DOP1B: variants seen among roughly 807,000 people sequenced by gnomAD.
DOP1B encodes the protein protein DOP1B.
DOP1B carries 174 observed loss-of-function variants against 233.5 expected under a neutral mutation model. That is an observed-to-expected ratio of 0.75 (90% CI 0.66 to 0.85). The LOEUF (loss-of-function observed/expected upper bound fraction) is 0.85, where lower values mean the gene tolerates loss of function less well. Among genes scored for constraint, DOP1B ranks in the 40% least tolerant of loss-of-function variants. DOP1B has a pLI of 0.00. For missense variants in DOP1B, 2,652 were observed against 2,846.6 expected (o/e 0.93, Z 1.56); for synonymous variants, 1,190 against 1,185.6 (o/e 1.00, Z -0.08).
chr21:36,284,128 T>A (rs1279112369), intron 32 of DOP1B, among the ~76,000 whole-genome samples: 2 of 150,680 alleles, frequency 1.3e-5, no homozygotes, highest in South Asian at 4.2e-4. Flanking sequence ...TTTTGTACTT[T>A]TAGTAGAGAT....
At chr21:36,261,419 T>G in intron 24 of DOP1B, 1 of 990,032 alleles carries the variant, frequency 1.0e-6, no homozygotes, top group Non-Finnish European at 1.2e-6. Flanking sequence ...GTTCTCAGTG[T>G]GCCTTCCCAT....
At chr21:36,202,154 TCCAGCCTG>T (rs562723340) in intron 4 of DOP1B, among the ~76,000 whole-genome samples, 5 of 152,110 alleles carry the variant, frequency 3.3e-5, no homozygotes, top group Non-Finnish European at 7.4e-5. Context: ...ACCACTGCAC[TCCAGCCTG>T]GGTGACAGAG....
At chr21:36,290,837 GT>G (rs2067548127) in intron 35 of DOP1B, among the ~76,000 whole-genome samples, 1 of 151,512 alleles carries the variant, frequency 6.6e-6, no homozygotes, top group Non-Finnish European at 1.5e-5. Flanking sequence ...AGATGTGGTG[GT>G]GGGCGCCTGT....
At chr21:36,255,724 G>A (rs2067088452) in intron 23 of DOP1B, among the ~76,000 whole-genome samples, 1 of 152,176 alleles carries the variant, frequency 6.6e-6, no homozygotes, top group Admixed American at 6.5e-5. Context: ...GAGCCACCAT[G>A]CCTGGCTGCA....
intron 2 of DOP1B, among the ~76,000 whole-genome samples, chr21:36,170,987 G>A (rs2065967458): frequency 6.6e-6 from 1 of 152,176 alleles, no homozygotes. Context: ...CCCTACCTCT[G>A]CTTTGCCTGA....
intron 5 of DOP1B, among the ~76,000 whole-genome samples, chr21:36,209,864 C>T (rs188802687): frequency 2.9e-4 from 44 of 152,228 alleles, no homozygotes; most frequent in African/African-American, 1.0e-3. Context: ...AGATTGAATT[C>T]GCAGGTGAGA....
In DOP1B at chr21:36,223,325, A is replaced by G; in HGVS notation, c.1345A>G (p.Thr449Ala). ...LSTDFLWDYM[T>A]RCFEECFRPV... is the part of the protein sequence containing the mutation. ...CACAGACTTTCTCTGGGATTATATGACAAGGTGTTTTGAGGAATGCTTTAG... is the reference window on the plus strand; with the variant it reads ...CACAGACTTTCTCTGGGATTATATGGCAAGGTGTTTTGAGGAATGCTTTAG... Residue 449 changes from threonine to alanine, a missense_variant, in exon 11 of 37, where the codon ACA becomes GCA. Physicochemically the swap from Thr to Ala is moderately conservative, Grantham distance 58. Around this residue, in one of 3 missense-constraint regions of DOP1B, gnomAD observed 2,617 missense variants for 2,794.3 expected, o/e 0.94. Transcript: ENST00000691173. 3 of 1,610,670 alleles carry G rather than the reference A, an allele frequency of 1.9e-6. No individual in the cohort carries two copies. The highest frequency in any genetic ancestry group is 2.5e-6 in the Non-Finnish European group (3 of 1,179,380).
At chr21:36,278,591 G>A (rs183205314) in intron 30 of DOP1B, among the ~76,000 whole-genome samples, 1 of 152,290 alleles carries the variant, frequency 6.6e-6, no homozygotes, top group African/African-American at 2.4e-5. Flanking sequence ...TTCCTGGCTG[G>A]GCACGGTGGC....
At chr21:36,157,628 A>G (rs2065831791) in intron 1 of DOP1B, among the ~76,000 whole-genome samples, 1 of 152,190 alleles carries the variant, frequency 6.6e-6, no homozygotes, top group Admixed American at 6.5e-5. Context: ...CCCCGGCCCC[A>G]CAAGTCTGCT....
At chr21:36,176,533 T>C (rs1322982940) in intron 2 of DOP1B, among the ~76,000 whole-genome samples, 1 of 152,160 alleles carries the variant, frequency 6.6e-6, no homozygotes, top group Non-Finnish European at 1.5e-5. Context: ...GCAACCTTTG[T>C]TCTGATGACC....
intron 22 of DOP1B, among the ~76,000 whole-genome samples, chr21:36,252,247 T>C (rs2067039989): frequency 6.6e-6 from 1 of 152,062 alleles, no homozygotes. Flanking sequence ...CCTAGCACTG[T>C]GGGCCTTTTT....
chr21:36,292,024 A>G (rs1176573639), intron 35 of DOP1B, 80 bp from the exon 36 acceptor site: 32 of 1,477,114 alleles, frequency 2.2e-5, no homozygotes, highest in Middle Eastern at 2.2e-4. Context: ...CAGTATGTGA[A>G]TTATATCTTA....
At chr21:36,194,045 G>A (rs200292343) in intron 2 of DOP1B, among the ~76,000 whole-genome samples, 37 of 152,252 alleles carry the variant, frequency 2.4e-4, no homozygotes, top group Non-Finnish European at 3.4e-4. Flanking sequence ...TAATTTGCCC[G>A]AACAGCAAAT....
In DOP1B at chr21:36,263,669, G is replaced by A; in HGVS notation, c.5420+19G>A. 1 of 1,613,378 alleles carries A rather than the reference G, an allele frequency of 6.2e-7. No individual in the cohort carries two copies. Among genetic ancestry groups the A allele is most frequent in the Non-Finnish European group, 8.5e-7 (1 of 1,179,364 alleles). Reference sequence around the variant, plus strand: ...TTCTCAGGTATCATGTCACCACATTGTCATTGTGTAATATTTTCTCTTGGC... The same window carrying A: ...TTCTCAGGTATCATGTCACCACATTATCATTGTGTAATATTTTCTCTTGGC... On this transcript the variant is annotated intron_variant, in intron 25 of 36. Transcript: ENST00000691173.
At position 36,246,617 on chromosome 21, in the gene DOP1B, G is replaced by A; in HGVS notation, c.4637G>A (p.Cys1546Tyr). ...GTGACACCCTTTGTTGTCCAGATTT[G>A]CAAAAACTTGGATGACTTGGTCAAG... is the stretch of plus-strand genomic sequence containing the variant. The part of the protein sequence containing the change: ...WTVTPFVVQI[C>Y]KNLDDLVKQY... The change falls in exon 19 of 37, where the codon TGC becomes TAC. Residue 1546 changes from cysteine (C) to tyrosine (Y), a missense_variant. Coordinates refer to ENST00000691173, the MANE Select transcript of DOP1B (RefSeq NM_001320714.2). The surrounding 1 kb of genome is among the most constrained non-coding windows in gnomAD (Gnocchi z 5.1). 6.2e-7 allele frequency: 1 copy of A among 1,614,082 alleles called. No homozygotes were observed. The highest frequency in any genetic ancestry group is 8.5e-7 in the Non-Finnish European group (1 of 1,180,020).
At chr21:36,264,256 A>G (rs2067208547) in intron 26 of DOP1B, among the ~76,000 whole-genome samples, 1 of 152,118 alleles carries the variant, frequency 6.6e-6, no homozygotes, top group Non-Finnish European at 1.5e-5. Context: ...CCTCATCTCT[A>G]CAAAAGTACA....
At chr21:36,228,793 TAAAATAAAATAAAATAAA>T (rs2066723883) in intron 13 of DOP1B, among the ~76,000 whole-genome samples, 1 of 121,416 alleles carries the variant, frequency 8.2e-6, no homozygotes, top group Non-Finnish European at 1.6e-5. Context: ...TAAAATAAAA[TAAAATAAAATAAAATAAA>T]ATAAAATAAA....
chr21:36,245,340 G>A lies in DOP1B; in HGVS notation c.3360G>A (p.Thr1120=), dbSNP rs142348387. ...TESADTSSCH[T]DSENTSSFSS... Reference sequence around the variant, plus strand: ...CTGCAGATACAAGCTCCTGCCACACGGACAGCGAGAACACGTCCTCCTTCT... The same window carrying A: ...CTGCAGATACAAGCTCCTGCCACACAGACAGCGAGAACACGTCCTCCTTCT... Residue 1120 remains threonine (T), a synonymous_variant, in exon 19 of 37, where the codon ACG becomes ACA. Transcript: ENST00000691173. The surrounding 1 kb of genome is among the most constrained non-coding windows in gnomAD (Gnocchi z 5.5). The A allele has an allele frequency of 1.1e-4, 184 of 1,614,060 alleles. No homozygotes were observed. Among genetic ancestry groups the A allele is most frequent in the Admixed American group, 1.5e-4 (9 of 60,020 alleles).
intron 23 of DOP1B, among the ~76,000 whole-genome samples, chr21:36,260,289 AAG>A (rs2067155730): frequency 6.9e-6 from 1 of 145,328 alleles, no homozygotes; most frequent in Admixed American, 6.9e-5. Flanking sequence ...GAAAGAAAGA[AAG>A]AAAGAAGAAT....
Sources: gnomAD v4.1 joint callset for allele counts (sites outside exome capture counted in the v4.1 genomes callset) on GRCh38, gnomAD v4.1.1 for gene constraint, gnomAD v4.1.1 regional missense constraint, Gnocchi (gnomAD v3.1) non-coding constraint, MANE v1.5 for transcripts, NCBI Gene and HGNC (gene_info 2026-07-23, HGNC 2026-07-21) for gene names.